Variants in TBC1D5 observed in about 807,000 individuals in gnomAD.
TBC1D5 encodes TBC1 domain family member 5, also known as TBC1 domain family, member 5.
TBC1D5 carries 75 observed loss-of-function variants against 100.3 expected under a neutral mutation model. That is an observed-to-expected ratio of 0.75 (90% confidence interval 0.62 to 0.91). The LOEUF is 0.91. Among genes scored for constraint, TBC1D5 ranks in the 40% least tolerant of loss-of-function variants. TBC1D5 has a pLI of 0.00. For synonymous variants in TBC1D5, 323 were observed against 325.6 expected (o/e 0.99, Z 0.09); for missense variants, 910 against 942.4 (o/e 0.97, Z 0.45).
intron 2 of TBC1D5, among the ~76,000 whole-genome samples, chr3:17,614,716 T>C (rs1371388406): frequency 6.6e-6 from 1 of 152,198 alleles, no homozygotes; most frequent in African/African-American, 2.4e-5. Context: ...ATGCCTGTGA[T>C]TTTTGCACAT....
At chr3:17,262,545 G>A (rs1332537737) in intron 15 of TBC1D5, among the ~76,000 whole-genome samples, 3 of 144,992 alleles carry the variant, frequency 2.1e-5, no homozygotes, top group Non-Finnish European at 3.0e-5. Context: ...GCAGTGGCGC[G>A]ATCTCGGCTC....
intron 1 of TBC1D5, among the ~76,000 whole-genome samples, chr3:17,632,516 C>A (rs974087725): frequency 2.0e-5 from 3 of 152,158 alleles, no homozygotes; most frequent in Non-Finnish European, 4.4e-5. Context: ...GGGTAAAATG[C>A]TATCAAACCT....
At chr3:17,471,793 C>G (rs1302563836) in intron 3 of TBC1D5, among the ~76,000 whole-genome samples, 1 of 151,288 alleles carries the variant, frequency 6.6e-6, no homozygotes, top group Non-Finnish European at 1.5e-5. Flanking sequence ...GTTTTTCAAC[C>G]TGAGGAAAAT....
intron 15 of TBC1D5, among the ~76,000 whole-genome samples, chr3:17,281,505 T>C (rs1409781915): frequency 6.6e-6 from 1 of 152,188 alleles, no homozygotes; most frequent in Non-Finnish European, 1.5e-5. Context: ...GCGTACGAAG[T>C]GGTCACTCCA....
chr3:17,601,483 C>T (rs149714537), intron 2 of TBC1D5, among the ~76,000 whole-genome samples: 1 of 152,302 alleles, frequency 6.6e-6, no homozygotes, highest in African/African-American at 2.4e-5. Flanking sequence ...TGCACTCCAG[C>T]CTGGGCAACA....
chr3:17,679,036 C>A lies in TBC1D5; in HGVS notation c.-100-55123G>T, dbSNP rs1408157491. 3.3e-5 allele frequency among the ~76,000 whole-genome samples: 5 copies of A among 149,512 alleles called. 1 individual carries two copies. The highest frequency in any genetic ancestry group is 1.3e-4 in the African/African-American group (5 of 39,804). On this transcript the variant is annotated intron_variant, in intron 1 of 21. Coordinates refer to ENST00000253692, the Ensembl canonical transcript of TBC1D5. ...GTCTGAGAGTAAAATAGAGTTATTT[C>A]AACCTTTCCTAGGGCCTATTTCCAT...
intron 2 of TBC1D5, among the ~76,000 whole-genome samples, chr3:17,556,094 AAC>A (rs1278498371): frequency 1.3e-5 from 2 of 152,028 alleles, no homozygotes; most frequent in East Asian, 3.9e-4. Context: ...AGCTCCCTGC[AAC>A]CTCTGCCTCC....
chr3:17,650,418 T>C (rs1354704640), intron 1 of TBC1D5, among the ~76,000 whole-genome samples: 4 of 152,174 alleles, frequency 2.6e-5, no homozygotes, highest in African/African-American at 4.8e-5. Flanking sequence ...AATGCACATG[T>C]ACATGGACAG....
intron 13 of TBC1D5, among the ~76,000 whole-genome samples, chr3:17,341,270 C>T (rs1260209467): frequency 1.3e-5 from 2 of 152,088 alleles, no homozygotes; most frequent in Non-Finnish European, 2.9e-5. Context: ...GATCTCCGCT[C>T]ACTGCAAGCT....
chr3:17,631,087 C>G (rs1042114628), intron 1 of TBC1D5, among the ~76,000 whole-genome samples: 4 of 147,648 alleles, frequency 2.7e-5, no homozygotes, highest in African/African-American at 9.9e-5. Flanking sequence ...ACCAAAAAGC[C>G]AAGTTGCAAA....
intron 1 of TBC1D5, among the ~76,000 whole-genome samples, chr3:17,720,164 TC>T (rs2075575799): frequency 1.3e-5 from 2 of 152,236 alleles, no homozygotes; most frequent in Admixed American, 6.5e-5. Context: ...CAAATCACTT[TC>T]AAGTATTTGA....
chr3:17,567,338 T>C lies in TBC1D5; in HGVS notation c.-36+56511A>G, dbSNP rs148426936. On this transcript the variant is annotated intron_variant, in intron 2 of 21. Transcript: ENST00000253692. ...TAATAAAGTGCAACTTAATAAATCA[T>C]GTGGAATCTTATTTTGTTCAAACCC... 1.8e-3 allele frequency among the ~76,000 whole-genome samples: 267 copies of C among 151,830 alleles called. 3 individuals carry two copies. The highest frequency in any genetic ancestry group is 3.1e-3 in the Non-Finnish European group (211 of 67,672).
At chr3:17,478,227 C>T (rs937717184) in intron 3 of TBC1D5, among the ~76,000 whole-genome samples, 6 of 151,986 alleles carry the variant, frequency 3.9e-5, no homozygotes, top group African/African-American at 1.4e-4. Context: ...TTGTGTCTTT[C>T]GGTAATGCCA....
chr3:17,500,463 T>C (rs918328802), intron 3 of TBC1D5, among the ~76,000 whole-genome samples: 10 of 149,820 alleles, frequency 6.7e-5, no homozygotes, highest in Non-Finnish European at 1.3e-4. Context: ...ATCTTTTTAA[T>C]GTGAATTTGG....
At chr3:17,247,945 G>C (rs1458263071) in intron 16 of TBC1D5, among the ~76,000 whole-genome samples, 2 of 151,030 alleles carry the variant, frequency 1.3e-5, no homozygotes, top group African/African-American at 4.9e-5. Context: ...TATAATTCTA[G>C]TTCTCTTGCT....
intron 3 of TBC1D5, among the ~76,000 whole-genome samples, chr3:17,491,437 G>T (rs1489497671): frequency 6.6e-6 from 1 of 152,148 alleles, no homozygotes; most frequent in Non-Finnish European, 1.5e-5. Context: ...GTATGATATT[G>T]GCAGTGGGTG....
At chr3:17,719,026 T>C (rs1249454276) in intron 1 of TBC1D5, among the ~76,000 whole-genome samples, 1 of 152,180 alleles carries the variant, frequency 6.6e-6, no homozygotes, top group Non-Finnish European at 1.5e-5. Context: ...TCATCAAGTA[T>C]TGAAATTTTA....
intron 1 of TBC1D5, among the ~76,000 whole-genome samples, chr3:17,657,328 T>G (rs948451359): frequency 4.3e-5 from 6 of 139,014 alleles, no homozygotes; most frequent in Non-Finnish European, 9.2e-5. Context: ...ACAAATTCTT[T>G]CTTTTTTTTT....
intron 4 of TBC1D5, among the ~76,000 whole-genome samples, chr3:17,424,576 T>C (rs903118424): frequency 6.6e-6 from 1 of 152,194 alleles, no homozygotes; most frequent in Non-Finnish European, 1.5e-5. Flanking sequence ...TCTTATAAAC[T>C]TTCCATTTTA....
Sources: allele counts gnomAD v4.1 joint callset (sites outside exome capture counted in the v4.1 genomes callset), GRCh38; gene constraint gnomAD v4.1.1; transcripts MANE v1.5; gene names NCBI Gene and HGNC (gene_info 2026-07-23, HGNC 2026-07-21).